The following EFHC2 variants were observed in gnomAD, a reference collection of about 807,000 sequenced individuals.
The protein encoded by EFHC2 is EF-hand domain containing 2.
A neutral mutation model predicts 52.7 loss-of-function variants in EFHC2; 18 were observed. That is an observed-to-expected ratio of 0.34 (90% CI 0.24 to 0.51). The LOEUF is 0.51. Ranked by LOEUF, EFHC2 falls within the 20% of genes least tolerant of loss-of-function variation. The probability of loss-of-function intolerance (pLI) is 0.97; values close to 1 mark genes in which losing one functional copy is unlikely to be tolerated. For synonymous variants in EFHC2, 203 were observed against 204.1 expected (o/e 0.99, Z 0.04); for missense variants, 513 against 562.5 (o/e 0.91, Z 0.89).
rs766348933 is a variant in EFHC2, at chrX:44,293,601, C to T, written c.231+18967G>A. On this transcript the variant is annotated intron_variant, in intron 2 of 14. Transcript: ENST00000420999. ...ACGTGTTCACTGTGATACTGATGGA[C>T]TCACTCTTTCAATACATGTTTGAGA... is the stretch of plus-strand genomic sequence containing the variant. 4.5e-5 allele frequency among the ~76,000 whole-genome samples: 5 copies of T among 111,864 alleles called. No individual in the cohort carries two copies. In the East Asian group the frequency reaches 1.4e-3, roughly 32 times the overall value.
Position 44,248,318 on chromosome X carries a change from G to A in EFHC2, c.1065C>T (p.Asp355=). 8.6e-7 allele frequency: 1 copy of A among 1,165,787 alleles called. No individual in the cohort carries two copies. The highest frequency in any genetic ancestry group is 1.1e-6 in the Non-Finnish European group (1 of 870,610). Residue 355 remains aspartate, a synonymous_variant, in exon 7 of 15, where the codon GAC becomes GAT. Coordinates refer to ENST00000420999, the MANE Select transcript of EFHC2 (RefSeq NM_025184.4). ...NVWGRKVLLY[D]CDEFTKSYYK... is the part of the protein sequence containing the mutation. ...AATAAGACTTCGTAAATTCATCACA[G>A]TCATAAAGGAGCACTTTTCTTCCCC...
intron 1 of EFHC2, among the ~76,000 whole-genome samples, chrX:44,343,210 A>C: frequency 9.0e-6 from 1 of 111,087 alleles, no homozygotes; most frequent in East Asian, 2.8e-4. Context: ...TACCTAATTC[A>C]AAGGGCTGTT....
chrX:44,160,271 G>A (rs2036641408), intron 14 of EFHC2, among the ~76,000 whole-genome samples: 1 of 111,048 alleles, frequency 9.0e-6, no homozygotes, highest in Admixed American at 9.6e-5. Context: ...CTTTTTGTGG[G>A]TCATGAAATC....
intron 14 of EFHC2, among the ~76,000 whole-genome samples, chrX:44,152,765 T>G (rs989162942): frequency 9.3e-6 from 1 of 107,298 alleles, no homozygotes; most frequent in Non-Finnish European, 1.9e-5. Flanking sequence ...CAAAACAATA[T>G]ATTTTAATCA....
intron 3 of EFHC2, among the ~76,000 whole-genome samples, chrX:44,272,226 G>A (rs1444950228): frequency 8.9e-6 from 1 of 112,073 alleles, no homozygotes; most frequent in Non-Finnish European, 1.9e-5. Context: ...ATCGAAGTCT[G>A]TAGTTAACAG....
At chrX:44,316,448 G>C (rs373494416) in intron 1 of EFHC2, among the ~76,000 whole-genome samples, 62 of 112,160 alleles carry the variant, frequency 5.5e-4, no homozygotes, top group African/African-American at 1.7e-3. Flanking sequence ...ATTTGGCAAT[G>C]GGTTTCATAC....
chrX:44,188,632 G>A (rs2036896017), intron 11 of EFHC2, among the ~76,000 whole-genome samples: 1 of 111,285 alleles, frequency 9.0e-6, no homozygotes, highest in South Asian at 3.8e-4. Context: ...CAAAAGCTCC[G>A]AGAAAGTACC....
intron 2 of EFHC2, among the ~76,000 whole-genome samples, chrX:44,281,387 G>A (rs1227494104): frequency 8.9e-6 from 1 of 112,149 alleles, no homozygotes; most frequent in African/African-American, 3.2e-5. Context: ...CATAGTAGGT[G>A]TAAAAGAACA....
intron 14 of EFHC2, among the ~76,000 whole-genome samples, chrX:44,157,402 T>A (rs774555721): frequency 3.6e-5 from 4 of 111,200 alleles, no homozygotes; most frequent in Non-Finnish European, 7.5e-5. Flanking sequence ...TCAAGATCCA[T>A]TCTTTGCCCT....
chrX:44,251,508 G>A (rs1279818694), intron 4 of EFHC2, among the ~76,000 whole-genome samples: 1 of 96,027 alleles, frequency 1.0e-5, no homozygotes, highest in African/African-American at 3.8e-5. Context: ...GGCTGAGGCA[G>A]GAGGATCCCT....
At chrX:44,293,538 T>TGGCAAAATTTTTGC (rs1319391300) in intron 2 of EFHC2, among the ~76,000 whole-genome samples, 7 of 106,820 alleles carry the variant, frequency 6.6e-5, no homozygotes, top group African/African-American at 2.7e-4. Flanking sequence ...TTTTGCCATT[T>TGGCAAAATTTTTGC]CTTTGCTTGT....
At chrX:44,298,598 C>T (rs1370891162) in intron 2 of EFHC2, among the ~76,000 whole-genome samples, 1 of 111,065 alleles carries the variant, frequency 9.0e-6, no homozygotes, top group Non-Finnish European at 1.9e-5. Context: ...TGTGGTGGCT[C>T]ATGCCTGTAA....
At chrX:44,227,946 G>A (rs1455684477) in intron 11 of EFHC2, among the ~76,000 whole-genome samples, 1 of 111,461 alleles carries the variant, frequency 9.0e-6, no homozygotes, top group African/African-American at 3.3e-5. Flanking sequence ...TTGAGAAACC[G>A]AAAGACAGTC....
chrX:44,211,919 T>C (rs1300181965), intron 11 of EFHC2, among the ~76,000 whole-genome samples: 1 of 103,883 alleles, frequency 9.6e-6, no homozygotes, highest in East Asian at 3.0e-4. Flanking sequence ...TCTTCTTAGA[T>C]CTGTCAGAGA....
At chrX:44,279,878 C>T (rs1040983883) in intron 2 of EFHC2, among the ~76,000 whole-genome samples, 1 of 110,269 alleles carries the variant, frequency 9.1e-6, no homozygotes, top group East Asian at 2.8e-4. Flanking sequence ...GCCTAATAGA[C>T]GTACCATGAA....
intron 2 of EFHC2, among the ~76,000 whole-genome samples, chrX:44,276,998 C>T (rs931580604): frequency 9.0e-6 from 1 of 111,535 alleles, no homozygotes; most frequent in Non-Finnish European, 1.9e-5. Flanking sequence ...CGGTGACTCA[C>T]GCCTATAATC....
chrX:44,240,571 C>A (rs1011854989), intron 8 of EFHC2, among the ~76,000 whole-genome samples: 6 of 112,148 alleles, frequency 5.4e-5, no homozygotes, highest in African/African-American at 1.9e-4. Flanking sequence ...CTTCGGGTGG[C>A]TGTCCTTAAA....
chrX:44,295,282 G>A lies in EFHC2; in HGVS notation c.231+17286C>T, dbSNP rs187448300. Reference sequence around the variant, plus strand: ...AAAGTATTAAGCAGAAGGCATCATGGTGGAGGTAACATCTGAAATGGGTCT... The same window carrying A: ...AAAGTATTAAGCAGAAGGCATCATGATGGAGGTAACATCTGAAATGGGTCT... On this transcript the variant is annotated intron_variant, in intron 2 of 14. Coordinates refer to ENST00000420999, the MANE Select transcript of EFHC2 (RefSeq NM_025184.4). Among the ~76,000 whole-genome samples, 9 of 112,198 alleles carry A rather than the reference G, an allele frequency of 8.0e-5. 1 individual carries two copies. Among genetic ancestry groups the A allele is most frequent in the Admixed American group, 4.7e-4 (5 of 10,562 alleles).
Position 44,264,199 on chromosome X carries a change from T to G in EFHC2, c.383-2901A>C, listed in dbSNP as rs895898774. Among the ~76,000 whole-genome samples, 3 of 112,302 alleles carry G rather than the reference T, an allele frequency of 2.7e-5. No individual in the cohort carries two copies. In the Admixed American group the frequency reaches 2.8e-4, roughly 11 times the overall value. ...CTAAATACCATTACTTTCCATAGTT[T>G]GCACTGAGCTGTATCTCACTGTACT... On this transcript the variant is annotated intron_variant, in intron 3 of 14. Transcript: ENST00000420999.
Sources: allele counts gnomAD v4.1 joint callset (sites outside exome capture counted in the v4.1 genomes callset), GRCh38; gene constraint gnomAD v4.1.1; transcripts MANE v1.5; gene names NCBI Gene and HGNC (gene_info 2026-07-23, HGNC 2026-07-21).